B4GALT1: variants seen among roughly 807,000 people sequenced by gnomAD.
B4GALT1 encodes the protein beta-1,4-galactosyltransferase 1.
In B4GALT1, 16 loss-of-function variants were observed where a neutral mutation model predicts 34.9. The ratio of observed to expected loss-of-function variants is 0.46; its 90% CI spans 0.31 to 0.70. The LOEUF (loss-of-function observed/expected upper bound fraction) is 0.70, where lower values mean the gene tolerates loss of function less well. Ranked by LOEUF, B4GALT1 falls within the 30% of genes least tolerant of loss-of-function variation. The pLI is 0.05. For synonymous variants in B4GALT1, 221 were observed against 218.1 expected (o/e 1.01, Z -0.12); for missense variants, 445 against 530.5 (o/e 0.84, Z 1.58).
intron 1 of B4GALT1, among the ~76,000 whole-genome samples, chr9:33,136,686 C>T (rs1227032334): frequency 6.6e-6 from 1 of 152,206 alleles, no homozygotes; most frequent in Non-Finnish European, 1.5e-5. Context: ...TTCCAGGGAA[C>T]ACACTTTGGG....
chr9:33,154,378 G>A (rs1483390290), intron 1 of B4GALT1, among the ~76,000 whole-genome samples: 1 of 152,136 alleles, frequency 6.6e-6, no homozygotes, highest in Non-Finnish European at 1.5e-5. Flanking sequence ...AAAACCCACT[G>A]CTAACACCAT....
At chr9:33,147,069 A>C (rs926449425) in intron 1 of B4GALT1, among the ~76,000 whole-genome samples, 9 of 152,176 alleles carry the variant, frequency 5.9e-5, no homozygotes, top group Admixed American at 2.0e-4. Context: ...ATTACAGCCT[A>C]GGTTTCAAAT....
intron 2 of B4GALT1, among the ~76,000 whole-genome samples, chr9:33,131,209 C>A (rs1006152471): frequency 8.5e-5 from 13 of 152,222 alleles, no homozygotes; most frequent in African/African-American, 3.1e-4. Context: ...AGGCACTAAA[C>A]CTGGAGTCAG....
intron 1 of B4GALT1, among the ~76,000 whole-genome samples, chr9:33,161,381 C>A (rs781512496): frequency 5.9e-5 from 9 of 152,086 alleles, no homozygotes; most frequent in Non-Finnish European, 8.8e-5. Context: ...ACTTACAGAA[C>A]AATATCCTGA....
chr9:33,166,900 G>A lies in B4GALT1; in HGVS notation c.270C>T (p.Ala90=), dbSNP rs950606934. 8 of 1,578,430 alleles carry A rather than the reference G, an allele frequency of 5.1e-6. No individual in the cohort carries two copies. Among genetic ancestry groups the A allele is most frequent in the Non-Finnish European group, 6.0e-6 (7 of 1,168,912 alleles). ...GGARPPPPLG[A]SSQPRPGGDS... Reference sequence around the variant, plus strand: ...CGCCACCCGGGCGCGGCTGGGAGGAGGCGCCTAGAGGAGGCGGCGGCCGGG... The same window carrying A: ...CGCCACCCGGGCGCGGCTGGGAGGAAGCGCCTAGAGGAGGCGGCGGCCGGG... The change falls in exon 1 of 6, where the codon GCC becomes GCT. Residue 90 remains alanine, a synonymous_variant. Coordinates refer to ENST00000379731, the MANE Select transcript of B4GALT1 (RefSeq NM_001497.4).
the B4GALT1 span, among the ~76,000 whole-genome samples, chr9:33,176,246 C>T: frequency 2.6e-5 from 4 of 152,164 alleles, no homozygotes; most frequent in African/African-American, 9.7e-5. Flanking sequence ...ACCCGGTGTG[C>T]TCTTTTCATG....
At chr9:33,148,521 C>G (rs1216772846) in intron 1 of B4GALT1, among the ~76,000 whole-genome samples, 2 of 152,276 alleles carry the variant, frequency 1.3e-5, no homozygotes, top group Admixed American at 1.3e-4. Context: ...GAAGGTAATG[C>G]TGGAGGCAGT....
chr9:33,133,743 C>T (rs1383887261), intron 2 of B4GALT1, among the ~76,000 whole-genome samples: 1 of 152,204 alleles, frequency 6.6e-6, no homozygotes, highest in Non-Finnish European at 1.5e-5. Flanking sequence ...ACCTGCTCTC[C>T]TGCTTCAGTT....
At chr9:33,163,060 C>T (rs780401353) in intron 1 of B4GALT1, among the ~76,000 whole-genome samples, 8 of 152,152 alleles carry the variant, frequency 5.3e-5, no homozygotes, top group Non-Finnish European at 7.3e-5. Flanking sequence ...CACCCCAAGC[C>T]GGAAGGTGAT....
intron 1 of B4GALT1, among the ~76,000 whole-genome samples, chr9:33,160,171 C>T (rs749324527): frequency 4.7e-4 from 71 of 152,326 alleles, no homozygotes; most frequent in Non-Finnish European, 5.7e-4. Flanking sequence ...AAACATTCAA[C>T]ACTTTTTTTC....
upstream of B4GALT1, among the ~76,000 whole-genome samples, chr9:33,168,393 GGA>G (rs1587757126): frequency 6.6e-6 from 1 of 152,236 alleles, no homozygotes; most frequent in Non-Finnish European, 1.5e-5. Context: ...AAAGACTCAT[GGA>G]GGTGCTGTCA....
At chr9:33,142,831 G>C (rs768480806) in intron 1 of B4GALT1, among the ~76,000 whole-genome samples, 46 of 152,044 alleles carry the variant, frequency 3.0e-4, no homozygotes, top group Non-Finnish European at 3.8e-4. Context: ...TGGGAACAGA[G>C]AGAAAAACAA....
Position 33,151,804 on chromosome 9 carries a change from A to T in B4GALT1, c.412+14954T>A, listed in dbSNP as rs1442476511. ...TTTGGAGGAAAACTCTGGGACCTTA[A>T]AGGGTCCCTGGAGTATTACATAAAG... On this transcript the variant is annotated intron_variant, in intron 1 of 5. Coordinates refer to ENST00000379731, the MANE Select transcript of B4GALT1 (RefSeq NM_001497.4). Among the ~76,000 whole-genome samples, 3 of 152,238 alleles carry T rather than the reference A, an allele frequency of 2.0e-5. No homozygotes were observed. The East Asian group carries it at 5.8e-4, about 29-fold the overall frequency.
upstream of B4GALT1, among the ~76,000 whole-genome samples, chr9:33,169,624 G>T (rs556909749): frequency 6.6e-6 from 1 of 151,100 alleles, no homozygotes; most frequent in African/African-American, 2.4e-5. Context: ...GGGTTCAAGC[G>T]ATTCTCCTGC....
At chr9:33,170,070 C>T (rs995464896), upstream of B4GALT1, among the ~76,000 whole-genome samples, 13 of 147,102 alleles carry the variant, frequency 8.8e-5, no homozygotes, top group East Asian at 4.2e-4. Context: ...CCTGGGTTCA[C>T]GCCATTCTCC....
intron 2 of B4GALT1, among the ~76,000 whole-genome samples, chr9:33,121,020 A>C (rs1223801218): frequency 1.3e-5 from 2 of 152,230 alleles, no homozygotes; most frequent in Admixed American, 1.3e-4. Context: ...TATACACACT[A>C]TAAATAAACT....
upstream of B4GALT1, chr9:33,167,394 C>T: frequency 4.9e-6 from 1 of 203,276 alleles, no homozygotes; most frequent in Non-Finnish European, 8.1e-6. Context: ...CCGGCGAAGG[C>T]GGGGGCGGGG....
chr9:33,177,287 G>GT, the B4GALT1 span: 6 of 152,180 alleles, frequency 3.9e-5, no homozygotes, highest in Non-Finnish European at 1.5e-5. Context: ...TCCTCGCTGT[G>GT]TTGTCATCCT....
intron 1 of B4GALT1, among the ~76,000 whole-genome samples, chr9:33,136,683 G>A (rs1301168111): frequency 6.6e-6 from 1 of 152,112 alleles, no homozygotes; most frequent in Non-Finnish European, 1.5e-5. Context: ...TTTTTCCAGG[G>A]AACACACTTT....
Sources: allele counts gnomAD v4.1 joint callset (sites outside exome capture counted in the v4.1 genomes callset), GRCh38; gene constraint gnomAD v4.1.1; transcripts MANE v1.5; gene names NCBI Gene and HGNC (gene_info 2026-07-23, HGNC 2026-07-21).